The following AKAP13 variants were observed in gnomAD, a reference collection of about 807,000 sequenced individuals.
AKAP13 encodes A-kinase anchoring protein 13, also known as A-kinase anchor protein 13.
AKAP13 carries 80 observed loss-of-function variants against 264.5 expected under a neutral mutation model. The observed-to-expected ratio is 0.30, with a 90% CI of 0.25 to 0.36. The LOEUF (loss-of-function observed/expected upper bound fraction) is 0.36. AKAP13 is among the 10% of genes least tolerant of loss of function. The probability of loss-of-function intolerance (pLI) is 1.00; values close to 1 mark genes in which losing one functional copy is unlikely to be tolerated. For synonymous variants in AKAP13, 1,380 were observed against 1,250.2 expected (o/e 1.10, Z -2.19); for missense variants, 3,712 against 3,435.2 (o/e 1.08, Z -2.01).
chr15:85,509,269 T>C (rs2076339601), intron 2 of AKAP13, among the ~76,000 whole-genome samples: 1 of 152,170 alleles, frequency 6.6e-6, no homozygotes, highest in Admixed American at 6.5e-5. Flanking sequence ...TTCACTACCA[T>C]GTGTGGCGGC....
At chr15:85,564,115 T>C (rs1163521167) in intron 5 of AKAP13, among the ~76,000 whole-genome samples, 1 of 152,178 alleles carries the variant, frequency 6.6e-6, no homozygotes, top group Non-Finnish European at 1.5e-5. Context: ...CAGTATCTGT[T>C]TAAGTAGATA....
intron 1 of AKAP13, among the ~76,000 whole-genome samples, chr15:85,393,588 G>C (rs1389542263): frequency 6.6e-6 from 1 of 152,172 alleles, no homozygotes; most frequent in African/African-American, 2.4e-5. Flanking sequence ...ATAAAGGGAA[G>C]AAGAAACTTT....
chr15:85,434,517 A>G (rs913689198), intron 1 of AKAP13, among the ~76,000 whole-genome samples: 3 of 152,132 alleles, frequency 2.0e-5, no homozygotes, highest in Non-Finnish European at 4.4e-5. Context: ...CTCTGGGGGC[A>G]GGGCACAGAC....
At chr15:85,619,344 G>C (rs1376727856) in intron 8 of AKAP13, 1 of 984,290 alleles carries the variant, frequency 1.0e-6, no homozygotes, top group African/African-American at 1.7e-5. Context: ...AGGCTGGCTA[G>C]GGAGGGAAGG....
intron 10 of AKAP13, among the ~76,000 whole-genome samples, chr15:85,655,183 C>T (rs914323780): frequency 2.0e-5 from 3 of 152,136 alleles, no homozygotes; most frequent in Non-Finnish European, 2.9e-5. Context: ...CAGAGTGAGA[C>T]TGTCTCAAAA....
At chr15:85,702,627 A>G (rs762804859) in intron 17 of AKAP13, 3 of 152,188 alleles carry the variant, frequency 2.0e-5, no homozygotes, top group Non-Finnish European at 4.4e-5. Flanking sequence ...ATAGAGCTTC[A>G]TACCCTCAGC....
chr15:85,512,306 A>G (rs1045492892), intron 2 of AKAP13, among the ~76,000 whole-genome samples: 56 of 152,284 alleles, frequency 3.7e-4, no homozygotes, highest in African/African-American at 1.3e-3. Context: ...GACCCAAGCA[A>G]CACGTTTGGG....
chr15:85,575,366 GTGTATGTGTGTGTTT>G (rs746539040), intron 6 of AKAP13, 37 bp downstream of exon 6: 113 of 1,569,696 alleles, frequency 7.2e-5, no homozygotes, highest in Non-Finnish European at 9.4e-5. Context: ...GTATATGCAT[GTGTATGTGTGTGTTT>G]TGTATGTGTG....
At chr15:85,482,766 A>G (rs1339633927) in intron 1 of AKAP13, among the ~76,000 whole-genome samples, 1 of 152,250 alleles carries the variant, frequency 6.6e-6, no homozygotes, top group African/African-American at 2.4e-5. Flanking sequence ...AATATCAAAT[A>G]TAATGCTCTG....
intron 5 of AKAP13, among the ~76,000 whole-genome samples, chr15:85,568,157 T>C (rs750576856): frequency 5.3e-5 from 8 of 151,536 alleles, no homozygotes; most frequent in Non-Finnish European, 1.2e-4. Context: ...AAAAATTAGC[T>C]CGTATGGTGG....
At chr15:85,639,869 G>A (rs1008792254) in intron 9 of AKAP13, among the ~76,000 whole-genome samples, 5 of 152,140 alleles carry the variant, frequency 3.3e-5, no homozygotes, top group Admixed American at 3.3e-4. Flanking sequence ...TAATTGGGTG[G>A]GGTGTGGCCT....
chr15:85,582,201 G>T (rs192688074), intron 7 of AKAP13, 94 bp downstream of exon 7: 3 of 1,370,652 alleles, frequency 2.2e-6, no homozygotes, highest in African/African-American at 1.5e-5. Context: ...CATCTTTGTT[G>T]TTTTGAGGCC....
intron 33 of AKAP13, among the ~76,000 whole-genome samples, chr15:85,737,783 C>G (rs1468014777): frequency 6.6e-6 from 1 of 151,992 alleles, no homozygotes; most frequent in African/African-American, 2.4e-5. Context: ...GACTACAGGC[C>G]CGCACTACCA....
intron 1 of AKAP13, among the ~76,000 whole-genome samples, chr15:85,397,302 C>T (rs1320335939): frequency 2.0e-5 from 3 of 151,898 alleles, no homozygotes; most frequent in African/African-American, 7.3e-5. Flanking sequence ...CCTCTTTCAC[C>T]CCCTCTGTGG....
chr15:85,491,503 T>TATATTAC (rs1215638233), intron 2 of AKAP13, among the ~76,000 whole-genome samples: 45 of 146,388 alleles, frequency 3.1e-4, no homozygotes, highest in African/African-American at 1.1e-3. Flanking sequence ...ATATTTATTA[T>TATATTAC]ATATTATATA....
At chr15:85,489,104 G>A (rs1354409913) in intron 2 of AKAP13, among the ~76,000 whole-genome samples, 15 of 152,166 alleles carry the variant, frequency 9.9e-5, no homozygotes, top group Non-Finnish European at 2.9e-5. Flanking sequence ...TTAGACATGA[G>A]GAAACGAGGT....
chr15:85,405,882 C>T (rs2071638051), intron 1 of AKAP13, among the ~76,000 whole-genome samples: 1 of 152,114 alleles, frequency 6.6e-6, no homozygotes, highest in South Asian at 2.1e-4. Context: ...AGTCTTGCCC[C>T]ATCGCCAAGG....
intron 1 of AKAP13, among the ~76,000 whole-genome samples, chr15:85,444,714 A>G (rs1460126225): frequency 6.6e-6 from 1 of 152,178 alleles, no homozygotes. Flanking sequence ...GGGGATTGTA[A>G]TTTAGTTAAA....
chr15:85,509,746 A>G (rs1022117840), intron 2 of AKAP13, among the ~76,000 whole-genome samples: 1 of 152,210 alleles, frequency 6.6e-6, no homozygotes, highest in Non-Finnish European at 1.5e-5. Context: ...GGGTATTCAC[A>G]AAGTTAGAAA....
Sources: allele counts gnomAD v4.1 joint callset (sites outside exome capture counted in the v4.1 genomes callset), GRCh38; gene constraint gnomAD v4.1.1; transcripts MANE v1.5; gene names NCBI Gene and HGNC (gene_info 2026-07-23, HGNC 2026-07-21).